The following RSPO2 variants were observed in gnomAD, a reference collection of about 807,000 sequenced individuals.
The protein encoded by RSPO2 is R-spondin-2.
Under a neutral mutation model 30.9 loss-of-function variants are expected in RSPO2, and 14 were observed. The ratio of observed to expected loss-of-function variants is 0.45; its 90% CI spans 0.30 to 0.71. The LOEUF is 0.71. Ranked by LOEUF, RSPO2 falls within the 30% of genes least tolerant of loss-of-function variation. The pLI, the probability that RSPO2 is intolerant of heterozygous loss-of-function variation, is 0.08. For synonymous variants in RSPO2, 107 were observed against 96.4 expected (o/e 1.11, Z -0.64); for missense variants, 264 against 301.9 (o/e 0.87, Z 0.93).
rs112769314 is a variant in RSPO2 at position 108,082,776 on chromosome 8, T to C, written c.-138A>G. 6.7e-3 allele frequency: 4,196 copies of C among 627,050 alleles called. 125 individuals are homozygous for C. Among genetic ancestry groups the C allele is most frequent in the African/African-American group, 0.066 (3,601 of 54,174 alleles). The allele number at this position is 627,050 out of a possible 1,614,324, so 38.8% of individuals were successfully genotyped here. A position where few individuals can be genotyped will look rare whatever the true frequency, so the allele number is the denominator to read the frequency against. ...CTCACCCCCGGGCCGCACCGGTCAG[T>C]TCAGCGCGATCAGCATCTCTCCGCC... is the stretch of plus-strand genomic sequence containing the variant. On this transcript the variant is annotated 5_prime_UTR_variant, in exon 2 of 6. Coordinates refer to ENST00000276659, the MANE Select transcript of RSPO2 (RefSeq NM_178565.5).
intron 5 of RSPO2, among the ~76,000 whole-genome samples, chr8:107,903,163 G>C (rs1042058449): frequency 1.7e-4 from 26 of 152,122 alleles, no homozygotes; most frequent in African/African-American, 5.5e-4. Flanking sequence ...AAAATCCTTA[G>C]TTTAAAAAAT....
At chr8:107,916,784 A>G (rs1811996201) in intron 5 of RSPO2, among the ~76,000 whole-genome samples, 2 of 152,192 alleles carry the variant, frequency 1.3e-5, no homozygotes, top group Non-Finnish European at 2.9e-5. Context: ...AAAGCACACT[A>G]ATGAGGGGCC....
At chr8:108,082,946 G>A (rs1813259336) in intron 1 of RSPO2, 139 bp from the exon 2 acceptor site, 1 of 338,346 alleles carries the variant, frequency 3.0e-6, no homozygotes, top group East Asian at 5.0e-5. Context: ...GCCGCGGAGC[G>A]GCTTAATCCA....
chr8:107,910,844 G>C (rs916087447), intron 5 of RSPO2, among the ~76,000 whole-genome samples: 8 of 152,046 alleles, frequency 5.3e-5, no homozygotes, highest in Non-Finnish European at 4.4e-5. Context: ...GATCACTTGA[G>C]GCCAGGAGTT....
At chr8:107,930,724 C>T (rs1396844300) in intron 5 of RSPO2, among the ~76,000 whole-genome samples, 1 of 152,168 alleles carries the variant, frequency 6.6e-6, no homozygotes, top group Non-Finnish European at 1.5e-5. Flanking sequence ...ATTAAATATA[C>T]AACTATGATC....
intron 5 of RSPO2, among the ~76,000 whole-genome samples, chr8:107,932,230 T>G (rs1215832927): frequency 6.6e-6 from 1 of 152,042 alleles, no homozygotes; most frequent in Admixed American, 6.6e-5. Flanking sequence ...AGAGCTGGGT[T>G]AAGAGAGGAA....
At chr8:107,995,441 G>A (rs533640193) in intron 2 of RSPO2, among the ~76,000 whole-genome samples, 212 of 151,802 alleles carry the variant, frequency 1.4e-3, no homozygotes, top group Non-Finnish European at 2.4e-3. Context: ...GTACCTGTTG[G>A]GTCATAACTT....
At chr8:108,056,684 C>CT (rs1355341359) in intron 2 of RSPO2, among the ~76,000 whole-genome samples, 55 of 150,678 alleles carry the variant, frequency 3.7e-4, no homozygotes, top group African/African-American at 1.3e-3. Context: ...AACACTATGC[C>CT]TGGCACATAG....
rs777420823 is a variant in RSPO2, at chr8:108,082,556, C to T, written c.83G>A (p.Arg28His). The change falls in exon 2 of 6, where the codon CGC (arginine) becomes CAC (histidine). Residue 28 changes from arginine to histidine, a missense_variant. Coordinates refer to ENST00000276659, the MANE Select transcript of RSPO2 (RefSeq NM_178565.5). ...YSHCQGNRWRRSKRASYVSNP... is the reference protein window; with the variant it reads ...YSHCQGNRWRHSKRASYVSNP... ...AGAGAGGGACCCACCTCGCTTACTG[C>T]GTCTCCATCGGTTGCCTTGGCAGTG... is the stretch of plus-strand genomic sequence containing the variant. The T allele has an allele frequency of 6.2e-7, 1 of 1,613,786 alleles. No homozygotes were observed. The highest frequency in any genetic ancestry group is 8.5e-7 in the Non-Finnish European group (1 of 1,179,660).
At chr8:107,941,198 G>T (rs1812886120) in intron 5 of RSPO2, among the ~76,000 whole-genome samples, 1 of 151,896 alleles carries the variant, frequency 6.6e-6, no homozygotes, top group Non-Finnish European at 1.5e-5. Flanking sequence ...ATTCATCTGG[G>T]GCTGTGACAC....
intron 2 of RSPO2, among the ~76,000 whole-genome samples, chr8:107,999,914 T>C (rs1432434701): frequency 1.3e-5 from 2 of 152,206 alleles, no homozygotes; most frequent in East Asian, 1.9e-4. Flanking sequence ...TTGGCACCTC[T>C]GAAGGACATT....
At chr8:108,017,079 C>T (rs1053520316) in intron 2 of RSPO2, among the ~76,000 whole-genome samples, 108 of 151,476 alleles carry the variant, frequency 7.1e-4, no homozygotes, top group Non-Finnish European at 1.2e-3. Context: ...TGCAGTGGCG[C>T]GATCTCGGCT....
chr8:108,072,735 T>A (rs1812898294), intron 2 of RSPO2, among the ~76,000 whole-genome samples: 1 of 151,868 alleles, frequency 6.6e-6, no homozygotes, highest in African/African-American at 2.4e-5. Context: ...AGACTCAGTC[T>A]CAAAAAAATA....
intron 2 of RSPO2, among the ~76,000 whole-genome samples, chr8:108,033,084 A>C (rs540227191): frequency 6.7e-6 from 1 of 148,272 alleles, no homozygotes; most frequent in South Asian, 2.1e-4. Context: ...AAAAATTTGT[A>C]GATACGGGGT....
intron 2 of RSPO2, among the ~76,000 whole-genome samples, chr8:108,011,200 G>A (rs968005881): frequency 1.3e-5 from 2 of 148,494 alleles, no homozygotes; most frequent in Non-Finnish European, 1.5e-5. Flanking sequence ...AAGGGAAAAG[G>A]AAAAGGAAAG....
chr8:108,015,165 A>G (rs1326448957), intron 2 of RSPO2, among the ~76,000 whole-genome samples: 2 of 152,214 alleles, frequency 1.3e-5, no homozygotes, highest in Admixed American at 1.3e-4. Flanking sequence ...AAAGTATTTT[A>G]GACATAAAGT....
intron 3 of RSPO2, among the ~76,000 whole-genome samples, chr8:107,988,780 A>G (rs1814739808): frequency 6.6e-6 from 1 of 152,068 alleles, no homozygotes; most frequent in Non-Finnish European, 1.5e-5. Context: ...GGTGTGCACC[A>G]CCATGCCTGG....
At chr8:108,055,614 T>C (rs1295690735) in intron 2 of RSPO2, among the ~76,000 whole-genome samples, 3 of 152,112 alleles carry the variant, frequency 2.0e-5, no homozygotes, top group Non-Finnish European at 1.5e-5. Context: ...GGTGTAAAAA[T>C]AATGGGTGTT....
intron 3 of RSPO2, chr8:107,983,005 G>A: frequency 1.5e-6 from 1 of 687,582 alleles, no homozygotes; most frequent in Non-Finnish European, 2.3e-6. Flanking sequence ...GGCTCCTGGG[G>A]TGCAGAGAGG....
Sources: allele counts gnomAD v4.1 joint callset (sites outside exome capture counted in the v4.1 genomes callset), GRCh38; gene constraint gnomAD v4.1.1; transcripts MANE v1.5; gene names NCBI Gene and HGNC (gene_info 2026-07-23, HGNC 2026-07-21).